Variants in ANKRD55 observed in about 807,000 individuals in gnomAD.
The protein encoded by ANKRD55 is ankyrin repeat domain-containing protein 55.
A neutral mutation model predicts 60.6 loss-of-function variants in ANKRD55; 41 were observed. The ratio of observed to expected loss-of-function variants is 0.68; its 90% confidence interval spans 0.53 to 0.88. The LOEUF is 0.88. Ranked by LOEUF, ANKRD55 falls within the 40% of genes least tolerant of loss-of-function variation. The probability of loss-of-function intolerance (pLI) is 0.00; values close to 1 mark genes in which losing one functional copy is unlikely to be tolerated. For missense variants in ANKRD55, 732 were observed against 767.6 expected (o/e 0.95, Z 0.55); for synonymous variants, 264 against 290.3 (o/e 0.91, Z 0.92).
chr5:56,214,306 G>T (rs60452457), intron 2 of ANKRD55, among the ~76,000 whole-genome samples: 13,935 of 152,266 alleles, frequency 0.092, 1,098 homozygotes, highest in African/African-American at 0.22. Context: ...TTGACCTGGG[G>T]AGACCAGTCA....
At chr5:56,230,054 G>A (rs1370701269) in intron 2 of ANKRD55, among the ~76,000 whole-genome samples, 3 of 152,024 alleles carry the variant, frequency 2.0e-5, no homozygotes, top group Non-Finnish European at 4.4e-5. Flanking sequence ...AATCTCCCTG[G>A]GTGGGATGCA....
At chr5:56,104,512 C>T (rs6873165) in intron 10 of ANKRD55, among the ~76,000 whole-genome samples, 17,392 of 152,008 alleles carry the variant, frequency 0.11, 3,254 homozygotes, top group African/African-American at 0.39. Flanking sequence ...AGGGTGGAGC[C>T]GTGCATAGCC....
At chr5:56,185,970 G>T (rs990483046) in intron 2 of ANKRD55, among the ~76,000 whole-genome samples, 1 of 152,128 alleles carries the variant, frequency 6.6e-6, no homozygotes, top group Non-Finnish European at 1.5e-5. Context: ...TGTTGTTTTC[G>T]TTTGTTTGTT....
intron 2 of ANKRD55, among the ~76,000 whole-genome samples, chr5:56,219,373 G>A (rs1270817093): frequency 6.6e-6 from 1 of 151,720 alleles, no homozygotes; most frequent in African/African-American, 2.4e-5. Context: ...AGAAATGGAA[G>A]TACTTTCCAC....
intron 6 of ANKRD55, among the ~76,000 whole-genome samples, chr5:56,145,772 G>A (rs1222637041): frequency 1.3e-5 from 2 of 152,110 alleles, no homozygotes; most frequent in African/African-American, 4.8e-5. Flanking sequence ...CTATATTATG[G>A]TTTGCTTTCA....
chr5:56,124,453 A>G (rs318810), intron 8 of ANKRD55, among the ~76,000 whole-genome samples: 91,953 of 152,054 alleles, frequency 0.6, 28,088 homozygotes, highest in South Asian at 0.7. Flanking sequence ...TATTGTAAAT[A>G]CTTAAAGCAC....
intron 2 of ANKRD55, among the ~76,000 whole-genome samples, chr5:56,220,455 A>G (rs1040674025): frequency 2.6e-4 from 39 of 152,168 alleles, no homozygotes; most frequent in African/African-American, 8.4e-4. Context: ...GCAGCATCAC[A>G]AAGAAGGGGG....
At chr5:56,218,714 G>T (rs1169401499) in intron 2 of ANKRD55, among the ~76,000 whole-genome samples, 1 of 151,992 alleles carries the variant, frequency 6.6e-6, no homozygotes, top group Non-Finnish European at 1.5e-5. Flanking sequence ...TATCCCCAAG[G>T]TATACCTGTA....
chr5:56,172,106 G>C (rs1479189794), intron 4 of ANKRD55, among the ~76,000 whole-genome samples: 1 of 147,110 alleles, frequency 6.8e-6, no homozygotes, highest in Non-Finnish European at 1.5e-5. Flanking sequence ...GCGACAGAAC[G>C]AGACTCTGTC....
intron 2 of ANKRD55, among the ~76,000 whole-genome samples, chr5:56,209,424 G>T (rs1197941431): frequency 2.0e-5 from 3 of 150,378 alleles, no homozygotes; most frequent in African/African-American, 7.3e-5. Context: ...TATAAGTTCT[G>T]TTGCTATTCT....
Position 56,127,058 on chromosome 5 carries a change from GC to G in ANKRD55, c.660del (p.Pro221ArgfsTer3), listed in dbSNP as rs753495263. 1 of 1,613,462 alleles carries G rather than the reference GC, an allele frequency of 6.2e-7. No homozygotes were observed. Among genetic ancestry groups the G allele is most frequent in the Non-Finnish European group, 8.5e-7 (1 of 1,179,732 alleles). The stretch of plus-strand genomic sequence containing the variant: ...TCATCATCATAGTTGATTATGGACG[GC>G]CCCTGGTGATGGCTCAGAATGATGG... The part of the protein sequence containing the change: ...LCSIILSHHQ[G>X]PSIINYDDES... On this transcript the variant is annotated frameshift_variant, in exon 8 of 12. Coordinates refer to ENST00000341048, the MANE Select transcript of ANKRD55 (RefSeq NM_024669.3). LOFTEE classifies it high-confidence loss of function.
chr5:56,140,185 T>A (rs1237433485), intron 7 of ANKRD55, among the ~76,000 whole-genome samples: 1 of 152,174 alleles, frequency 6.6e-6, no homozygotes, highest in Non-Finnish European at 1.5e-5. Context: ...CTCATTCGTA[T>A]GGAAAAACTC....
intron 11 of ANKRD55, among the ~76,000 whole-genome samples, chr5:56,100,941 G>T (rs1375505499): frequency 2.0e-5 from 3 of 152,186 alleles, no homozygotes; most frequent in African/African-American, 7.2e-5. Flanking sequence ...TTCATTCAAT[G>T]ATAGAATTGA....
At chr5:56,226,003 A>G (rs1030859442) in intron 2 of ANKRD55, among the ~76,000 whole-genome samples, 1 of 152,210 alleles carries the variant, frequency 6.6e-6, no homozygotes, top group African/African-American at 2.4e-5. Context: ...TATGAAACCA[A>G]AAAAGAGCCC....
At chr5:56,130,534 T>C (rs1757380903) in intron 7 of ANKRD55, among the ~76,000 whole-genome samples, 1 of 152,144 alleles carries the variant, frequency 6.6e-6, no homozygotes. Flanking sequence ...ATTACATTAC[T>C]AAAGCGCTAT....
At chr5:56,217,028 A>G (rs780728784) in intron 2 of ANKRD55, among the ~76,000 whole-genome samples, 11 of 152,240 alleles carry the variant, frequency 7.2e-5, no homozygotes, top group South Asian at 2.1e-4. Flanking sequence ...CCCAGCTTCA[A>G]TGCTTCAAAG....
intron 6 of ANKRD55, among the ~76,000 whole-genome samples, chr5:56,157,764 T>C (rs573455511): frequency 6.6e-6 from 1 of 152,250 alleles, no homozygotes; most frequent in African/African-American, 2.4e-5. Context: ...TCCCCCTCTC[T>C]GAGATGGTAG....
At chr5:56,136,988 T>C in intron 7 of ANKRD55, 2 of 635,428 alleles carry the variant, frequency 3.1e-6, no homozygotes, top group Middle Eastern at 4.5e-4. Context: ...AATGATTCGC[T>C]CTTCACTTGA....
chr5:56,161,692 A>C (rs1758334890), intron 5 of ANKRD55, among the ~76,000 whole-genome samples: 1 of 152,160 alleles, frequency 6.6e-6, no homozygotes, highest in Non-Finnish European at 1.5e-5. Context: ...CTACTGCACG[A>C]TCTGAGTTTC....
Sources: allele counts gnomAD v4.1 joint callset (sites outside exome capture counted in the v4.1 genomes callset), GRCh38; gene constraint gnomAD v4.1.1; transcripts MANE v1.5; gene names NCBI Gene and HGNC (gene_info 2026-07-23, HGNC 2026-07-21).